The following SBF2 variants were observed in gnomAD, a reference collection of about 807,000 sequenced individuals.
SBF2 encodes the protein myotubularin-related protein 13.
Under a neutral mutation model 225.2 loss-of-function variants are expected in SBF2, and 112 were observed. The observed-to-expected ratio is 0.50, with a 90% CI of 0.43 to 0.58. SBF2 has a LOEUF of 0.58. SBF2 is among the 20% of genes least tolerant of loss of function. The pLI is 0.00. For missense variants in SBF2, 1,996 were observed against 2,206.2 expected (o/e 0.90, Z 1.91); for synonymous variants, 763 against 773.3 (o/e 0.99, Z 0.22).
intron 17 of SBF2, among the ~76,000 whole-genome samples, chr11:9,876,358 A>C (rs577110104): frequency 7.8e-4 from 119 of 152,240 alleles, no homozygotes; most frequent in Middle Eastern, 3.4e-3. Context: ...TTATAAACTG[A>C]ATGTTTGTGT....
At chr11:9,962,246 G>A (rs1224665545) in intron 15 of SBF2, 140 bp from the exon 16 acceptor site, 1 of 631,276 alleles carries the variant, frequency 1.6e-6, no homozygotes, top group Non-Finnish European at 2.7e-6. Context: ...CTAGGGAATA[G>A]GTGATTTATT....
intron 1 of SBF2, among the ~76,000 whole-genome samples, chr11:10,302,126 T>C (rs758873789): frequency 6.6e-6 from 1 of 152,236 alleles, no homozygotes; most frequent in Non-Finnish European, 1.5e-5. Context: ...TGTTAATAAA[T>C]TGCCAGGATC....
At chr11:10,274,731 A>G (rs1485768265) in intron 1 of SBF2, among the ~76,000 whole-genome samples, 1 of 146,386 alleles carries the variant, frequency 6.8e-6, no homozygotes, top group African/African-American at 2.5e-5. Flanking sequence ...AGCCTGGGTG[A>G]CAGAGCAAGA....
At chr11:10,174,625 G>C (rs1469960327) in intron 2 of SBF2, among the ~76,000 whole-genome samples, 2 of 152,140 alleles carry the variant, frequency 1.3e-5, no homozygotes, top group African/African-American at 2.4e-5. Flanking sequence ...AATGTAGCAA[G>C]GCAGGCCAAC....
intron 17 of SBF2, among the ~76,000 whole-genome samples, chr11:9,892,442 C>T (rs1860906442): frequency 6.6e-6 from 1 of 152,104 alleles, no homozygotes; most frequent in African/African-American, 2.4e-5. Context: ...CCCTCATTCC[C>T]ACTCCTTTTC....
In SBF2 at chr11:9,845,727, G is replaced by T. The variant is rs548242051; in HGVS notation, c.2948C>A (p.Ala983Glu). The T allele has an allele frequency of 3.1e-6, 5 of 1,613,754 alleles. No individual in the cohort carries two copies. In the South Asian group the frequency reaches 5.5e-5, roughly 18 times the overall value. ...TSASFQLIKV[A>E]FDEEVSPEVV... ...TTCTGGACTGACTTCTTCATCAAAT[G>T]CTACCTTAATCAACTAGAAGCAAAA... Residue 983 changes from alanine to glutamate, a missense_variant, in exon 24 of 40, where the codon GCA becomes GAA. By Grantham distance (107) the Ala-to-Glu change is moderately radical. Coordinates refer to ENST00000256190, the MANE Select transcript of SBF2 (RefSeq NM_030962.4).
intron 17 of SBF2, among the ~76,000 whole-genome samples, chr11:9,882,061 A>G (rs561112957): frequency 5.8e-4 from 88 of 152,356 alleles, no homozygotes; most frequent in African/African-American, 2.0e-3. Context: ...ATCTTTACAC[A>G]ACATAATGAG....
chr11:10,198,782 T>C (rs1467858370), intron 1 of SBF2, among the ~76,000 whole-genome samples: 2 of 152,226 alleles, frequency 1.3e-5, no homozygotes, highest in African/African-American at 4.8e-5. Flanking sequence ...ACCTTGCACT[T>C]TCATGTTATA....
intron 14 of SBF2, among the ~76,000 whole-genome samples, chr11:9,965,493 G>A (rs1866847959): frequency 6.6e-6 from 1 of 151,986 alleles, no homozygotes; most frequent in South Asian, 2.1e-4. Flanking sequence ...TCTCTATGTT[G>A]CTCAGGCTAG....
At chr11:9,841,629 T>C (rs531857894) in intron 25 of SBF2, among the ~76,000 whole-genome samples, 209 of 152,074 alleles carry the variant, frequency 1.4e-3, no homozygotes, top group African/African-American at 4.9e-3. Context: ...TCCTCCCAAG[T>C]TCAAGCAATT....
At chr11:9,949,920 T>C (rs370557041) in intron 16 of SBF2, among the ~76,000 whole-genome samples, 2 of 152,248 alleles carry the variant, frequency 1.3e-5, no homozygotes, top group South Asian at 2.1e-4. Context: ...ATTGAACACA[T>C]TAAAATATCC....
At chr11:9,874,903 G>C (rs1041330985) in intron 17 of SBF2, among the ~76,000 whole-genome samples, 42 of 152,286 alleles carry the variant, frequency 2.8e-4, no homozygotes, top group African/African-American at 9.9e-4. Context: ...AAGTTAAAAT[G>C]TTATATGAAG....
intron 2 of SBF2, among the ~76,000 whole-genome samples, chr11:10,111,335 A>G (rs1952829260): frequency 6.6e-6 from 1 of 152,240 alleles, no homozygotes; most frequent in Admixed American, 6.5e-5. Context: ...GGTTTCCCAC[A>G]TGCATCAGAA....
chr11:10,162,541 A>T (rs1382747742), intron 2 of SBF2, among the ~76,000 whole-genome samples: 1 of 152,204 alleles, frequency 6.6e-6, no homozygotes, highest in Non-Finnish European at 1.5e-5. Context: ...CAGAATGCAG[A>T]TAAGTGAGAA....
chr11:10,165,099 A>T (rs1487466585), intron 2 of SBF2: 2 of 152,156 alleles, frequency 1.3e-5, no homozygotes, highest in African/African-American at 2.4e-5. Flanking sequence ...ACAATGGCTA[A>T]TTCTGACCTA....
chr11:10,217,331 T>C lies in SBF2; in HGVS notation c.56-23344A>G, dbSNP rs1288841187. The stretch of plus-strand genomic sequence containing the variant: ...TATTTTGAGGAAGTAGGACTGAGTG[T>C]GCAAGATTATTTCTTTTTTCTTGGA... On this transcript the variant is annotated intron_variant, in intron 1 of 39. Transcript: ENST00000256190. 2.6e-5 allele frequency among the ~76,000 whole-genome samples: 4 copies of C among 152,220 alleles called. No individual in the cohort carries two copies. In the East Asian group the frequency reaches 7.7e-4, roughly 29 times the overall value.
intron 17 of SBF2, among the ~76,000 whole-genome samples, chr11:9,871,902 A>G (rs1858795800): frequency 6.6e-6 from 1 of 152,180 alleles, no homozygotes; most frequent in South Asian, 2.1e-4. Flanking sequence ...CTTGTGGAAG[A>G]CAGTGTGGTG....
chr11:10,145,404 A>T (rs1954839063), intron 2 of SBF2, among the ~76,000 whole-genome samples: 1 of 152,170 alleles, frequency 6.6e-6, no homozygotes. Flanking sequence ...CAGCCTCAGA[A>T]GTGCATATTC....
intron 2 of SBF2, chr11:10,149,490 A>G (rs1253993514): frequency 6.6e-6 from 1 of 152,198 alleles, no homozygotes; most frequent in African/African-American, 2.4e-5. Flanking sequence ...CAATGAACAC[A>G]CACTACTAAC....
Sources: gnomAD v4.1 joint callset for allele counts (sites outside exome capture counted in the v4.1 genomes callset) on GRCh38, gnomAD v4.1.1 for gene constraint, MANE v1.5 for transcripts, NCBI Gene and HGNC (gene_info 2026-07-23, HGNC 2026-07-21) for gene names.